The following TNIK variants were observed in gnomAD, a reference collection of about 807,000 sequenced individuals.
The protein encoded by TNIK is TRAF2 and NCK interacting kinase.
In TNIK, 49 loss-of-function variants were observed where a neutral mutation model predicts 191.3. That is an observed-to-expected ratio of 0.26 (90% CI 0.20 to 0.32). TNIK has a LOEUF of 0.32. Ranked by LOEUF, TNIK falls within the 10% of genes least tolerant of loss-of-function variation. The pLI is 1.00. For missense variants in TNIK, 1,155 were observed against 1,702.3 expected (o/e 0.68, Z 5.66); for synonymous variants, 594 against 600.9 (o/e 0.99, Z 0.17).
intron 2 of TNIK, among the ~76,000 whole-genome samples, chr3:171,306,445 C>T (rs1343941757): frequency 1.3e-5 from 2 of 152,122 alleles, no homozygotes; most frequent in Admixed American, 1.3e-4. Context: ...AACTTTGCAT[C>T]ACAGATCTGA....
At chr3:171,315,742 T>C (rs1265348283) in intron 2 of TNIK, among the ~76,000 whole-genome samples, 1 of 152,154 alleles carries the variant, frequency 6.6e-6, no homozygotes, top group African/African-American at 2.4e-5. Context: ...CTCCCATCTC[T>C]GCTCCCATCT....
chr3:171,341,101 G>C (rs915538069), intron 2 of TNIK, among the ~76,000 whole-genome samples: 1 of 152,200 alleles, frequency 6.6e-6, no homozygotes, highest in Non-Finnish European at 1.5e-5. Context: ...GGGACAAAAA[G>C]AGTCAATTTA....
intron 9 of TNIK, among the ~76,000 whole-genome samples, chr3:171,171,279 A>G (rs183512986): frequency 6.6e-6 from 1 of 152,316 alleles, no homozygotes; most frequent in East Asian, 1.9e-4. Flanking sequence ...TATTCAGTCT[A>G]GTAGAAGGAA....
chr3:171,310,246 T>A (rs1753876402), intron 2 of TNIK, among the ~76,000 whole-genome samples: 2 of 152,254 alleles, frequency 1.3e-5, no homozygotes, highest in East Asian at 3.9e-4. Context: ...CTGGACTGCA[T>A]CTTCTCCCTC....
chr3:171,380,103 C>G (rs1717842740), intron 1 of TNIK, among the ~76,000 whole-genome samples: 1 of 152,110 alleles, frequency 6.6e-6, no homozygotes, highest in African/African-American at 2.4e-5. Context: ...ACCCCCAACC[C>G]CAGCCCCTGC....
At chr3:171,381,769 G>T (rs767598031) in intron 1 of TNIK, among the ~76,000 whole-genome samples, 2 of 152,204 alleles carry the variant, frequency 1.3e-5, no homozygotes, top group Non-Finnish European at 2.9e-5. Flanking sequence ...TGCCCAAATG[G>T]AGCTGACTTA....
intron 2 of TNIK, among the ~76,000 whole-genome samples, chr3:171,281,234 A>T (rs1452323982): frequency 2.0e-5 from 3 of 152,218 alleles, no homozygotes; most frequent in Non-Finnish European, 4.4e-5. Context: ...ATAGAAGAGA[A>T]GAAAGGTCGG....
chr3:171,344,583 T>C (rs769939331), intron 2 of TNIK, among the ~76,000 whole-genome samples: 2 of 152,206 alleles, frequency 1.3e-5, no homozygotes, highest in African/African-American at 2.4e-5. Flanking sequence ...CGGACCTTCC[T>C]ATTTTGCACA....
chr3:171,460,179 G>C lies in TNIK; in HGVS notation c.-116C>G. The C allele has an allele frequency of 7.5e-7, 1 of 1,335,238 alleles. No homozygotes were observed. Among genetic ancestry groups the C allele is most frequent in the South Asian group, 1.3e-5 (1 of 78,512 alleles). The allele number at this position is 1,335,238 out of a possible 1,614,324, so 82.7% of individuals were successfully genotyped here. A position where few individuals can be genotyped will look rare whatever the true frequency, so the allele number is the denominator to read the frequency against. On this transcript the variant is annotated 5_prime_UTR_variant, in exon 1 of 33. Coordinates refer to ENST00000436636, the MANE Select transcript of TNIK (RefSeq NM_015028.4). This position sits in a 1 kb window ranked among gnomAD's most constrained non-coding sequence, Gnocchi z 6.8. ...TGCGGGTGTCGCGCCAGAGGCCCCG[G>C]GCCCAGCCTCCCCCGCCCACCCCAG...
intron 18 of TNIK, among the ~76,000 whole-genome samples, chr3:171,112,220 G>A (rs890849278): frequency 6.6e-6 from 1 of 152,032 alleles, no homozygotes; most frequent in Non-Finnish European, 1.5e-5. Context: ...GTAAAGCTAG[G>A]GGGGACAAAA....
At chr3:171,429,321 C>G (rs893135097) in intron 1 of TNIK, among the ~76,000 whole-genome samples, 16 of 152,182 alleles carry the variant, frequency 1.1e-4, no homozygotes, top group African/African-American at 3.1e-4. Context: ...TACAATGCCA[C>G]CAGCTTAATT....
At chr3:171,170,922 T>C (rs1289979341) in intron 9 of TNIK, among the ~76,000 whole-genome samples, 1 of 152,108 alleles carries the variant, frequency 6.6e-6, no homozygotes, top group Non-Finnish European at 1.5e-5. Context: ...CATGGTGGCA[T>C]GCACCTGTAG....
Position 171,183,857 on chromosome 3 carries a change from G to C in TNIK, c.639+4845C>G, listed in dbSNP as rs1199744261. ...AATCGCTTGAACCCAGGAGGCAGAGGTTGCAGTGAGCCGAGATCGTGCCAC... is the reference window on the plus strand; with the variant it reads ...AATCGCTTGAACCCAGGAGGCAGAGCTTGCAGTGAGCCGAGATCGTGCCAC... On this transcript the variant is annotated intron_variant, in intron 7 of 32. Transcript: ENST00000436636. Among the ~76,000 whole-genome samples, 4 of 146,848 alleles carry C rather than the reference G, an allele frequency of 2.7e-5. No individual in the cohort carries two copies. In the Admixed American group the frequency reaches 2.7e-4, roughly 10 times the overall value.
At chr3:171,423,401 T>C (rs570442880) in intron 1 of TNIK, among the ~76,000 whole-genome samples, 1 of 152,194 alleles carries the variant, frequency 6.6e-6, no homozygotes, top group Non-Finnish European at 1.5e-5. Context: ...AAAATGGCCA[T>C]ACTGCCCAAG....
intron 2 of TNIK, among the ~76,000 whole-genome samples, chr3:171,323,880 A>G (rs1755453542): frequency 6.6e-6 from 1 of 152,122 alleles, no homozygotes; most frequent in African/African-American, 2.4e-5. Context: ...AGTTAATGTC[A>G]AATGGTTAGT....
At chr3:171,229,686 C>T (rs1227715975) in intron 2 of TNIK, among the ~76,000 whole-genome samples, 8 of 152,190 alleles carry the variant, frequency 5.3e-5, no homozygotes, top group African/African-American at 1.7e-4. Context: ...CCTCTTTCTT[C>T]TCACATATCT....
At chr3:171,345,037 C>T (rs1423212655) in intron 2 of TNIK, among the ~76,000 whole-genome samples, 1 of 152,064 alleles carries the variant, frequency 6.6e-6, no homozygotes, top group Non-Finnish European at 1.5e-5. Context: ...CGTCTCATGG[C>T]CTAGAGCACA....
intron 23 of TNIK, among the ~76,000 whole-genome samples, chr3:171,090,227 G>C (rs1251907066): frequency 3.3e-5 from 5 of 152,106 alleles, no homozygotes; most frequent in African/African-American, 1.2e-4. Context: ...AGGAGAGACA[G>C]GCAGCAAGAG....
intron 2 of TNIK, among the ~76,000 whole-genome samples, chr3:171,291,913 T>A (rs983569917): frequency 2.0e-5 from 3 of 152,194 alleles, no homozygotes; most frequent in South Asian, 4.1e-4. Context: ...GTTCACTTTT[T>A]AAAATCCTTT....
Sources: gnomAD v4.1 joint callset for allele counts (sites outside exome capture counted in the v4.1 genomes callset) on GRCh38, gnomAD v4.1.1 for gene constraint, Gnocchi (gnomAD v3.1) non-coding constraint, MANE v1.5 for transcripts, NCBI Gene and HGNC (gene_info 2026-07-23, HGNC 2026-07-21) for gene names.